Variants in INPP4B observed in about 807,000 individuals in gnomAD.
The protein encoded by INPP4B is inositol polyphosphate-4-phosphatase type II B, also known as inositol polyphosphate 4-phosphatase type II.
Under a neutral mutation model 122.5 loss-of-function variants are expected in INPP4B, and 55 were observed. The ratio of observed to expected loss-of-function variants is 0.45; its 90% CI spans 0.36 to 0.56. The LOEUF is 0.56. Ranked by LOEUF, INPP4B falls within the 20% of genes least tolerant of loss-of-function variation. The pLI is 0.00. For missense variants in INPP4B, 1,000 were observed against 1,097.7 expected (o/e 0.91, Z 1.26); for synonymous variants, 403 against 388.7 (o/e 1.04, Z -0.43).
chr4:142,275,330 A>G (rs1271941458), intron 9 of INPP4B, among the ~76,000 whole-genome samples: 1 of 151,906 alleles, frequency 6.6e-6, no homozygotes, highest in African/African-American at 2.4e-5. Context: ...TGCCACAGAG[A>G]TACAAACCAA....
intron 25 of INPP4B, among the ~76,000 whole-genome samples, chr4:142,038,748 G>T (rs336340): frequency 0.1 from 15,767 of 152,204 alleles, 1,497 homozygotes; most frequent in African/African-American, 0.25. Context: ...ATAATCAAAT[G>T]CTATGTAGTG....
At chr4:142,352,987 G>A (rs1782392970) in intron 7 of INPP4B, among the ~76,000 whole-genome samples, 1 of 151,888 alleles carries the variant, frequency 6.6e-6, no homozygotes, top group Non-Finnish European at 1.5e-5. Flanking sequence ...CTAAACTCCT[G>A]TCACTTGACT....
chr4:142,494,915 AT>A (rs1443818277), intron 2 of INPP4B, among the ~76,000 whole-genome samples: 5 of 152,040 alleles, frequency 3.3e-5, no homozygotes, highest in East Asian at 1.9e-4. Flanking sequence ...GATGAGCCTC[AT>A]TTTTTCCCCA....
chr4:142,343,814 T>C (rs1303479603), intron 7 of INPP4B, among the ~76,000 whole-genome samples: 1 of 152,012 alleles, frequency 6.6e-6, no homozygotes, highest in Non-Finnish European at 1.5e-5. Context: ...TCTAGTAAAA[T>C]AGAAAAACCA....
intron 5 of INPP4B, among the ~76,000 whole-genome samples, chr4:142,411,483 A>T (rs1804579741): frequency 6.6e-6 from 1 of 152,188 alleles, no homozygotes; most frequent in Non-Finnish European, 1.5e-5. Flanking sequence ...CTCACCTCTT[A>T]TGCCCTCTAC....
intron 22 of INPP4B, among the ~76,000 whole-genome samples, chr4:142,108,425 C>G (rs1489968379): frequency 2.4e-5 from 1 of 41,564 alleles, no homozygotes; most frequent in Non-Finnish European, 1.0e-4. Flanking sequence ...AAATGTGAAC[C>G]TAGATAAAAT....
chr4:142,156,435 G>A (rs1160952503), intron 17 of INPP4B, among the ~76,000 whole-genome samples: 1 of 152,108 alleles, frequency 6.6e-6, no homozygotes. Context: ...AGCATCTGTT[G>A]CAGAGATGTA....
At chr4:142,533,512 T>A (rs1426428950) in intron 2 of INPP4B, among the ~76,000 whole-genome samples, 1 of 152,092 alleles carries the variant, frequency 6.6e-6, no homozygotes, top group East Asian at 1.9e-4. Flanking sequence ...ACAGGATGAC[T>A]CAACAACACC....
chr4:142,537,660 T>A (rs1828446108), intron 2 of INPP4B, among the ~76,000 whole-genome samples: 1 of 151,568 alleles, frequency 6.6e-6, no homozygotes, highest in African/African-American at 2.4e-5. Context: ...TCATTTCATT[T>A]TAACGGTGAG....
At chr4:142,307,458 A>C (rs568755254) in intron 8 of INPP4B, among the ~76,000 whole-genome samples, 2 of 152,232 alleles carry the variant, frequency 1.3e-5, no homozygotes, top group Non-Finnish European at 2.9e-5. Flanking sequence ...CCCCCACTGC[A>C]TAGCACACAG....
intron 5 of INPP4B, among the ~76,000 whole-genome samples, chr4:142,420,705 GCCTTCAC>G (rs1204957817): frequency 6.6e-6 from 1 of 152,008 alleles, no homozygotes; most frequent in Non-Finnish European, 1.5e-5. Context: ...CTAGATATAG[GCCTTCAC>G]ACAAGTGAAT....
Position 142,260,530 on chromosome 4 carries a change from C to G in INPP4B, c.650G>C (p.Ser217Thr). 7 of 1,608,822 alleles carry G rather than the reference C, an allele frequency of 4.4e-6. No individual in the cohort carries two copies. Among genetic ancestry groups the G allele is most frequent in the Non-Finnish European group, 5.9e-6 (7 of 1,177,304 alleles). ...AGGTAAGTTATCTTTTCCGCTCACACTTTCCGGGGCTGTACATTCACATAC... is the reference window on the plus strand; with the variant it reads ...AGGTAAGTTATCTTTTCCGCTCACAGTTTCCGGGGCTGTACATTCACATAC... ...ALVCECTAPE[S>T]VSGKDNLPFL... Residue 217 changes from serine (S) to threonine (T), a missense_variant, in exon 11 of 26, where the codon AGT becomes ACT. Coordinates refer to ENST00000262992, the MANE Select transcript of INPP4B (RefSeq NM_001101669.3).
At chr4:142,757,837 T>C (rs1370697122) in intron 1 of INPP4B, among the ~76,000 whole-genome samples, 1 of 152,188 alleles carries the variant, frequency 6.6e-6, no homozygotes, top group Non-Finnish European at 1.5e-5. Context: ...ACTCCCTGTC[T>C]CCCAAAGCAT....
chr4:142,294,933 T>C (rs988363319), intron 9 of INPP4B, among the ~76,000 whole-genome samples: 15 of 150,318 alleles, frequency 1.0e-4, no homozygotes, highest in Admixed American at 9.3e-4. Flanking sequence ...TCATGTTCAC[T>C]GAGGAAAGAG....
At chr4:142,461,651 A>C (rs1816764830) in intron 3 of INPP4B, among the ~76,000 whole-genome samples, 1 of 152,220 alleles carries the variant, frequency 6.6e-6, no homozygotes. Flanking sequence ...TAGCCATAAA[A>C]TAGGTCAAGC....
chr4:142,420,883 C>T (rs1015885291), intron 5 of INPP4B, among the ~76,000 whole-genome samples: 13 of 152,102 alleles, frequency 8.5e-5, no homozygotes, highest in Admixed American at 5.9e-4. Flanking sequence ...ACTCCCTGCT[C>T]AAGGAAGTTT....
At chr4:142,625,843 T>A (rs982687476) in intron 2 of INPP4B, among the ~76,000 whole-genome samples, 5 of 152,104 alleles carry the variant, frequency 3.3e-5, no homozygotes, top group Non-Finnish European at 5.9e-5. Context: ...CCTACAACTA[T>A]CTGATCTTTG....
intron 11 of INPP4B, among the ~76,000 whole-genome samples, chr4:142,243,903 A>ATTG (rs1452821978): frequency 6.6e-6 from 1 of 150,654 alleles, no homozygotes; most frequent in Non-Finnish European, 1.5e-5. Flanking sequence ...AAACTTTATT[A>ATTG]TTATTATTAT....
chr4:142,281,020 G>A (rs1461916842), intron 9 of INPP4B, among the ~76,000 whole-genome samples: 1 of 151,946 alleles, frequency 6.6e-6, no homozygotes, highest in Non-Finnish European at 1.5e-5. Flanking sequence ...GCATAAATCA[G>A]CTGGCCACCT....
Sources: gnomAD v4.1 joint callset for allele counts (sites outside exome capture counted in the v4.1 genomes callset) on GRCh38, gnomAD v4.1.1 for gene constraint, MANE v1.5 for transcripts, NCBI Gene and HGNC (gene_info 2026-07-23, HGNC 2026-07-21) for gene names.